The following MYH14 variants were observed in gnomAD, a reference collection of about 807,000 sequenced individuals.
MYH14 encodes the protein myosin-14.
A neutral mutation model predicts 255.5 loss-of-function variants in MYH14; 123 were observed. That is an observed-to-expected ratio of 0.48 (90% CI 0.42 to 0.56). The LOEUF (loss-of-function observed/expected upper bound fraction) is 0.56. Among genes scored for constraint, MYH14 ranks in the 20% least tolerant of loss-of-function variants. The pLI, the probability that MYH14 is intolerant of heterozygous loss-of-function variation, is 0.00. For synonymous variants in MYH14, 1,095 were observed against 1,161.2 expected, an observed-to-expected ratio of 0.94 and a Z score of 1.16; for missense variants, 2,423 against 2,802.3, an observed-to-expected ratio of 0.86 and a Z score of 3.06.
At chr19:50,208,142 T>C (rs555471201) in intron 1 of MYH14, among the ~76,000 whole-genome samples, 1 of 152,314 alleles carries the variant, frequency 6.6e-6, no homozygotes, top group African/African-American at 2.4e-5. Context: ...TGGCCGGGCA[T>C]GGTGGCTCGT....
chr19:50,207,393 G>C lies in MYH14; in HGVS notation c.-3-2970G>C, dbSNP rs566701226. Among the ~76,000 whole-genome samples the C allele has an allele frequency of 3.3e-5, 5 of 151,858 alleles. No homozygotes were observed. The East Asian group carries it at 9.7e-4, about 29-fold the overall frequency. On this transcript the variant is annotated intron_variant, in intron 1 of 42. Coordinates refer to ENST00000642316, the MANE Select transcript of MYH14 (RefSeq NM_001145809.2). ...ATTTTTCCTGCCTGGTGCTTGGACCGCGTTGGAATTGCCACTACTGCCCAT... is the reference window on the plus strand; with the variant it reads ...ATTTTTCCTGCCTGGTGCTTGGACCCCGTTGGAATTGCCACTACTGCCCAT...
Position 50,293,257 on chromosome 19 carries a change from C to A in MYH14, c.5281C>A (p.Arg1761=), listed in dbSNP as rs116035034. The A allele has an allele frequency of 4.9e-3, 7,862 of 1,608,748 alleles. 362 individuals carry two copies. The African/African-American group carries it at 0.088, about 18-fold the overall frequency. Residue 1761 remains arginine, a synonymous_variant, in exon 38 of 43, where the codon CGG becomes AGG. Transcript: ENST00000642316. The surrounding 1 kb of genome is among the most constrained non-coding windows in gnomAD (Gnocchi z 4.1). ...QEELAASDRA[R]RQAQQDRDEM... ...GGAACTGGCCGCCTCGGACCGTGCT[C>A]GGCGGCAGGCCCAGCAGGACCGGGA...
At chr19:50,278,565 A>G (rs2035597147) in intron 30 of MYH14, among the ~76,000 whole-genome samples, 1 of 151,886 alleles carries the variant, frequency 6.6e-6, no homozygotes, top group Non-Finnish European at 1.5e-5. Context: ...TTAGCCAGGT[A>G]TGCTGGCATG....
At position 50,252,941 on chromosome 19, in the gene MYH14, C is replaced by T. The variant is rs985927091; in HGVS notation, c.1945+188C>T. Among the ~76,000 whole-genome samples, 7 of 152,148 alleles carry T rather than the reference C, an allele frequency of 4.6e-5. No homozygotes were observed. The highest frequency in any genetic ancestry group is 8.8e-5 in the Non-Finnish European group (6 of 68,028). On this transcript the variant is annotated intron_variant, in intron 16 of 42. Coordinates refer to ENST00000642316, the MANE Select transcript of MYH14 (RefSeq NM_001145809.2). This position sits in a 1 kb window ranked among gnomAD's most constrained non-coding sequence, Gnocchi z 4.2. ...ATGGATCCATAGATTAATTGATTGACTATTGATTTGATTGATAAGCCAGCA... is the reference window on the plus strand; with the variant it reads ...ATGGATCCATAGATTAATTGATTGATTATTGATTTGATTGATAAGCCAGCA...
At position 50,307,084 on chromosome 19, in the gene MYH14, C is replaced by G; in HGVS notation, c.5714C>G (p.Ala1905Gly). Residue 1905 changes from alanine (A) to glycine (G), a missense_variant, in exon 41 of 43, where the codon GCT becomes GGT. This residue lies in a region of MYH14 where 1,513 missense variants were observed against 1,674.8 expected (regional missense o/e 0.90). Transcript: ENST00000642316. ...RILSGKLVRR[A>G]EKRLKEVVLQ... ...CTCTCTGGAAAGCTGGTGCGCAGAG[C>G]TGAGAAGCGGCTTAAAGAGGTGGTG... The G allele has an allele frequency of 6.4e-7, 1 of 1,551,166 alleles. No homozygotes were observed. The highest frequency in any genetic ancestry group is 8.7e-7 in the Non-Finnish European group (1 of 1,146,918).
intron 40 of MYH14, among the ~76,000 whole-genome samples, chr19:50,304,590 C>CA (rs554757618): frequency 4.0e-5 from 6 of 151,796 alleles, no homozygotes; most frequent in East Asian, 3.9e-4. Context: ...ACTCCGACTC[C>CA]AAAAAAAGAG....
At chr19:50,247,794 G>A (rs1026150460) in intron 12 of MYH14, among the ~76,000 whole-genome samples, 2 of 152,046 alleles carry the variant, frequency 1.3e-5, no homozygotes, top group Admixed American at 6.6e-5. Context: ...GGCCGGGTGT[G>A]GGGGCTCATG....
intron 10 of MYH14, among the ~76,000 whole-genome samples, chr19:50,234,603 G>A (rs1184598864): frequency 6.7e-6 from 1 of 150,188 alleles, no homozygotes. Context: ...AACCAGGGTT[G>A]CATAATTCCC....
chr19:50,230,799 T>A lies in MYH14; in HGVS notation c.973+176T>A. ...CTGCGTAGTGGCGTCTGTCGCACGG[T>A]GGGTTCTGCTGCGCTCTGGTTCCAG... On this transcript the variant is annotated intron_variant, in intron 9 of 42. Transcript: ENST00000642316. The surrounding 1 kb of genome is among the most constrained non-coding windows in gnomAD (Gnocchi z 4.7). 1 of 606,190 alleles carries A rather than the reference T, an allele frequency of 1.6e-6. No individual in the cohort carries two copies. Among genetic ancestry groups the A allele is most frequent in the South Asian group, 1.9e-5 (1 of 51,518 alleles). The allele number at this position is 606,190 out of a possible 1,614,324, so 37.6% of individuals were successfully genotyped here.
chr19:50,267,623 A>AAAAAAAAATAATAATAATAAT (rs138463829), intron 23 of MYH14, among the ~76,000 whole-genome samples: 135 of 149,206 alleles, frequency 9.0e-4, no homozygotes, highest in Middle Eastern at 6.8e-3. Flanking sequence ...TCTGTCTCAA[A>AAAAAAAAATAATAATAATAAT]AATAATAATA....
intron 27 of MYH14, among the ~76,000 whole-genome samples, chr19:50,272,952 A>G (rs926679484): frequency 6.6e-5 from 10 of 152,170 alleles, no homozygotes; most frequent in Non-Finnish European, 1.3e-4. Flanking sequence ...ACAAGACTCT[A>G]TGTGTCTGGT....
chr19:50,238,508 G>C (rs561718433), intron 10 of MYH14, among the ~76,000 whole-genome samples: 1 of 152,268 alleles, frequency 6.6e-6, no homozygotes, highest in East Asian at 1.9e-4. Flanking sequence ...GCAGAGTGCG[G>C]TGGTGTGATC....
intron 2 of MYH14, among the ~76,000 whole-genome samples, chr19:50,214,835 G>A (rs766093554): frequency 1.3e-5 from 2 of 152,132 alleles, no homozygotes; most frequent in African/African-American, 2.4e-5. Context: ...GGTAGGATGA[G>A]TGATGTAAGA....
intron 12 of MYH14, 71 bp from the exon 13 acceptor site, chr19:50,248,916 C>T (rs766071732): frequency 2.0e-5 from 32 of 1,561,924 alleles, no homozygotes; most frequent in East Asian, 4.5e-5. Flanking sequence ...GGCCCTTCCC[C>T]GGTTCACCCC....
At position 50,293,512 on chromosome 19, in the gene MYH14, CCCT is replaced by C. The variant is rs1210206351; in HGVS notation, c.5346-47_5346-45del. On this transcript the variant is annotated intron_variant, in intron 38 of 42. Transcript: ENST00000642316. This position sits in a 1 kb window ranked among gnomAD's most constrained non-coding sequence, Gnocchi z 4.1. The stretch of plus-strand genomic sequence containing the variant: ...GGGTCCTGTAGTGTGAGGCAAGGCA[CCCT>C]CCTCTGACCATCCTGTCCTTTCATC... 10 of 1,605,400 alleles carry C rather than the reference CCCT, an allele frequency of 6.2e-6. No individual in the cohort carries two copies. The Admixed American group carries it at 1.5e-4, about 24-fold the overall frequency.
chr19:50,284,096 A>AG (rs199996408), intron 33 of MYH14, among the ~76,000 whole-genome samples: 1 of 151,654 alleles, frequency 6.6e-6, no homozygotes, highest in African/African-American at 2.4e-5. Context: ...AAAAAACAAA[A>AG]AAAAAACAAA....
intron 41 of MYH14, chr19:50,308,626 G>A (rs10425604): frequency 0.058 from 12,447 of 215,352 alleles, 854 homozygotes; most frequent in East Asian, 0.21. Flanking sequence ...GGTCTGGACA[G>A]TGGGTTTATG....
At position 50,237,419 on chromosome 19, in the gene MYH14, G is replaced by A. The variant is rs150703168; in HGVS notation, c.1114+5349G>A. Among the ~76,000 whole-genome samples, 839 of 151,592 alleles carry A rather than the reference G, an allele frequency of 5.5e-3. 10 individuals carry two copies. Among genetic ancestry groups the A allele is most frequent in the African/African-American group, 0.019 (778 of 41,300 alleles). ...CGACTCACTGCAACTTCCACCTCCCGGGTTCAAACAATTCTCCTACCTCAG... is the reference window on the plus strand; with the variant it reads ...CGACTCACTGCAACTTCCACCTCCCAGGTTCAAACAATTCTCCTACCTCAG... On this transcript the variant is annotated intron_variant, in intron 10 of 42. Coordinates refer to ENST00000642316, the MANE Select transcript of MYH14 (RefSeq NM_001145809.2).
Position 50,259,279 on chromosome 19 carries a change from A to T in MYH14, c.2354+14A>T, listed in dbSNP as rs2034729849. 6.4e-7 allele frequency: 1 copy of T among 1,561,866 alleles called. No homozygotes were observed. Among genetic ancestry groups the T allele is most frequent in the South Asian group, 1.2e-5 (1 of 84,926 alleles). On this transcript the variant is annotated intron_variant, in intron 19 of 42. Transcript: ENST00000642316. ...GTTCCGGCAGCGGTGAGCTAGAGCGAGGGCCCAGGCCCGGCGGAGGGGCTG... is the reference window on the plus strand; with the variant it reads ...GTTCCGGCAGCGGTGAGCTAGAGCGTGGGCCCAGGCCCGGCGGAGGGGCTG...
Sources: allele counts gnomAD v4.1 joint callset (sites outside exome capture counted in the v4.1 genomes callset), GRCh38; gene constraint gnomAD v4.1.1; regional missense constraint gnomAD v4.1.1; non-coding constraint Gnocchi (gnomAD v3.1); transcripts MANE v1.5; gene names NCBI Gene and HGNC (gene_info 2026-07-23, HGNC 2026-07-21).